PKNOX2: variants seen among roughly 807,000 people sequenced by gnomAD.
The protein encoded by PKNOX2 is homeobox protein PKNOX2.
Under a neutral mutation model 53.1 loss-of-function variants are expected in PKNOX2, and 14 were observed. That is an observed-to-expected ratio of 0.26 (90% CI 0.17 to 0.41). The LOEUF (loss-of-function observed/expected upper bound fraction) is 0.41. PKNOX2 is among the 10% of genes least tolerant of loss of function. The pLI, the probability that PKNOX2 is intolerant of heterozygous loss-of-function variation, is 1.00. For synonymous variants in PKNOX2, 257 were observed against 242.8 expected, an observed-to-expected ratio of 1.06 and a Z score of -0.54; for missense variants, 496 against 602.8, an observed-to-expected ratio of 0.82 and a Z score of 1.85.
intron 1 of PKNOX2, among the ~76,000 whole-genome samples, chr11:125,206,822 T>G (rs996131730): frequency 6.6e-6 from 1 of 151,758 alleles, no homozygotes; most frequent in African/African-American, 2.4e-5. Context: ...TTCAGGTGAG[T>G]GACTTAGACA....
chr11:125,423,674 GA>G (rs1274997627), intron 10 of PKNOX2, among the ~76,000 whole-genome samples: 1 of 152,176 alleles, frequency 6.6e-6, no homozygotes, highest in Non-Finnish European at 1.5e-5. Context: ...CCCTTGGGGT[GA>G]CAGGTAGCTA....
At chr11:125,193,855 T>C (rs1401705994) in intron 1 of PKNOX2, among the ~76,000 whole-genome samples, 1 of 152,208 alleles carries the variant, frequency 6.6e-6, no homozygotes, top group African/African-American at 2.4e-5. Context: ...CAAGAACTGC[T>C]GCCTTGGGCA....
At chr11:125,178,510 CA>C (rs56057149) in intron 1 of PKNOX2, among the ~76,000 whole-genome samples, 12,138 of 91,026 alleles carry the variant, frequency 0.13, 1,133 homozygotes, top group African/African-American at 0.33. Context: ...AACTCTGTCT[CA>C]AAAAAAAAAA....
At chr11:125,193,378 T>G (rs1956993381) in intron 1 of PKNOX2, among the ~76,000 whole-genome samples, 1 of 152,176 alleles carries the variant, frequency 6.6e-6, no homozygotes, top group Non-Finnish European at 1.5e-5. Flanking sequence ...CACATAAAAT[T>G]CTGTGAAGTT....
chr11:125,167,191 T>G (rs948525717), intron 1 of PKNOX2, among the ~76,000 whole-genome samples: 48 of 9,280 alleles, frequency 5.2e-3, no homozygotes, highest in African/African-American at 0.016. Context: ...AGAGTGTGTG[T>G]GGGGGGTGGG....
At position 125,392,411 on chromosome 11, in the gene PKNOX2, T is replaced by C. The variant is rs76727594; in HGVS notation, c.400-5463T>C. ...TCTAACATTGATAGTGTTGCCTACCTTTCTAATATTGAACAGGTCCTACAT... is the reference window on the plus strand; with the variant it reads ...TCTAACATTGATAGTGTTGCCTACCCTTCTAATATTGAACAGGTCCTACAT... On this transcript the variant is annotated intron_variant, in intron 6 of 12. Transcript: ENST00000298282. Among the ~76,000 whole-genome samples, 551 of 152,352 alleles carry C rather than the reference T, an allele frequency of 3.6e-3. 2 individuals carry two copies. Among genetic ancestry groups the C allele is most frequent in the African/African-American group, 0.012 (519 of 41,586 alleles).
rs1565462524 is a variant in PKNOX2, at chr11:125,178,679, AG to A, written c.-201+13904del. On this transcript the variant is annotated intron_variant, in intron 1 of 12. Coordinates refer to ENST00000298282, the MANE Select transcript of PKNOX2 (RefSeq NM_001382323.2). ...GAAGGAAGGAAGGAAGGAAAGAAAG[AG>A]AGAGAGAGAGAGAGAGAGAAAGAAA... Among the ~76,000 whole-genome samples, 623 of 85,618 alleles carry A rather than the reference AG, an allele frequency of 7.3e-3. 74 individuals carry two copies. Among genetic ancestry groups the A allele is most frequent in the African/African-American group, 0.035 (585 of 16,682 alleles). The allele number at this position is 85,618 out of a possible 152,430, so 56.2% of individuals were successfully genotyped here.
chr11:125,196,996 T>C (rs112921173), intron 1 of PKNOX2, among the ~76,000 whole-genome samples: 63 of 152,344 alleles, frequency 4.1e-4, no homozygotes, highest in African/African-American at 1.5e-3. Flanking sequence ...ATGTGGCTAC[T>C]TAAATTTAAA....
intron 1 of PKNOX2, among the ~76,000 whole-genome samples, chr11:125,169,700 A>G (rs1344853095): frequency 6.6e-6 from 1 of 152,188 alleles, no homozygotes; most frequent in Non-Finnish European, 1.5e-5. Context: ...CTCTGAGTAA[A>G]AAAAATGGGA....
chr11:125,362,260 T>C (rs1951965271), intron 4 of PKNOX2, among the ~76,000 whole-genome samples: 1 of 152,222 alleles, frequency 6.6e-6, no homozygotes. Context: ...CATAGTGCGA[T>C]TAGTCAGAAG....
chr11:125,228,373 G>A (rs1384244099), intron 1 of PKNOX2, among the ~76,000 whole-genome samples: 3 of 152,198 alleles, frequency 2.0e-5, no homozygotes, highest in African/African-American at 7.2e-5. Context: ...AAAACGGGTG[G>A]CAGTCATGTA....
rs557951139 is a variant in PKNOX2, at chr11:125,261,123, C to G, written c.-130+26008C>G. 3.3e-5 allele frequency among the ~76,000 whole-genome samples: 5 copies of G among 152,258 alleles called. No individual in the cohort carries two copies. In the East Asian group the frequency reaches 7.7e-4, roughly 23 times the overall value. ...TGTCATTTTTCAGGTGGAATGTGAC[C>G]AAGTTCCAAAGCGATTTGGATCGTG... is the stretch of plus-strand genomic sequence containing the variant. On this transcript the variant is annotated intron_variant, in intron 2 of 12. Transcript: ENST00000298282.
chr11:125,164,928 G>A (rs1274819339), intron 1 of PKNOX2, among the ~76,000 whole-genome samples, 152 bp downstream of exon 1: 1 of 151,846 alleles, frequency 6.6e-6, no homozygotes, highest in Non-Finnish European at 1.5e-5. Context: ...AGGGCAAGGA[G>A]GAGAGAGGGA....
intron 3 of PKNOX2, among the ~76,000 whole-genome samples, chr11:125,341,377 A>C (rs1565501128): frequency 1.3e-5 from 2 of 152,036 alleles, no homozygotes; most frequent in African/African-American, 4.8e-5. Flanking sequence ...AAAAAAGGAA[A>C]GAAAAAAAGG....
chr11:125,168,299 T>G (rs1955038127), intron 1 of PKNOX2, among the ~76,000 whole-genome samples: 1 of 152,230 alleles, frequency 6.6e-6, no homozygotes, highest in Admixed American at 6.5e-5. Context: ...ACACAGAAAC[T>G]GCAGTGGGCT....
intron 6 of PKNOX2, among the ~76,000 whole-genome samples, chr11:125,389,394 C>T (rs1953882406): frequency 6.6e-6 from 1 of 152,210 alleles, no homozygotes; most frequent in South Asian, 2.1e-4. Flanking sequence ...CCCCCGATAT[C>T]TCTTTCCGTA....
intron 6 of PKNOX2, among the ~76,000 whole-genome samples, chr11:125,389,371 G>C (rs547416926): frequency 6.6e-6 from 1 of 152,264 alleles, no homozygotes; most frequent in East Asian, 1.9e-4. Context: ...TCCTTCACTT[G>C]CAAATAAAAG....
chr11:125,359,336 A>T (rs1440011052), intron 4 of PKNOX2, among the ~76,000 whole-genome samples: 1 of 152,006 alleles, frequency 6.6e-6, no homozygotes, highest in Non-Finnish European at 1.5e-5. Flanking sequence ...CCCAGGGACC[A>T]TATGGGGACC....
chr11:125,360,170 A>G (rs1351066464), intron 4 of PKNOX2, among the ~76,000 whole-genome samples: 1 of 151,830 alleles, frequency 6.6e-6, no homozygotes, highest in East Asian at 1.9e-4. Context: ...AGAAAAAGGA[A>G]AAAAAGGAGT....
Sources: gnomAD v4.1 joint callset for allele counts (sites outside exome capture counted in the v4.1 genomes callset) on GRCh38, gnomAD v4.1.1 for gene constraint, MANE v1.5 for transcripts, NCBI Gene and HGNC (gene_info 2026-07-23, HGNC 2026-07-21) for gene names.